The following TPRG1 variants were observed in gnomAD, a reference collection of about 807,000 sequenced individuals.
TPRG1 encodes the protein tumor protein p63 regulated 1.
A neutral mutation model predicts 29.3 loss-of-function variants in TPRG1; 29 were observed. The ratio of observed to expected loss-of-function variants is 0.99; its 90% CI spans 0.74 to 1.35. TPRG1 has a LOEUF of 1.35. TPRG1 is among the 40% of genes most tolerant of loss of function. TPRG1 has a pLI of 0.00. For synonymous variants in TPRG1, 130 were observed against 116.8 expected (o/e 1.11, Z -0.73); for missense variants, 327 against 335.0 (o/e 0.98, Z 0.19).
chr3:189,066,293 A>C (rs1325444160), intron 4 of TPRG1, among the ~76,000 whole-genome samples: 2 of 152,150 alleles, frequency 1.3e-5, no homozygotes, highest in East Asian at 3.8e-4. Flanking sequence ...ATAGAGGATA[A>C]GAGAATATTT....
intron 4 of TPRG1, among the ~76,000 whole-genome samples, chr3:189,042,289 T>C (rs958507025): frequency 1.3e-5 from 2 of 152,200 alleles, no homozygotes; most frequent in Non-Finnish European, 2.9e-5. Flanking sequence ...TTCAGCTTTT[T>C]TGGTTAATTT....
In TPRG1 at chr3:189,042,650, G is replaced by C. The variant is rs115340111; in HGVS notation, c.-463+18704G>C. ...GGTCTTCTCACTGCTTCTTTATATTGTATCTCAGCTGCTTGAGGCATACTT... is the reference window on the plus strand; with the variant it reads ...GGTCTTCTCACTGCTTCTTTATATTCTATCTCAGCTGCTTGAGGCATACTT... On this transcript the variant is annotated intron_variant, in intron 4 of 10. Transcript: ENST00000433971. 5.4e-3 allele frequency among the ~76,000 whole-genome samples: 824 copies of C among 151,996 alleles called. 7 individuals carry two copies. The highest frequency in any genetic ancestry group is 8.8e-3 in the Non-Finnish European group (597 of 67,980).
chr3:189,314,202 A>G (rs1300043638), intron 5 of TPRG1, among the ~76,000 whole-genome samples: 1 of 152,130 alleles, frequency 6.6e-6, no homozygotes, highest in Non-Finnish European at 1.5e-5. Context: ...AATTCGAAAC[A>G]TGTTGCATTT....
chr3:189,222,125 C>T (rs1737034673), intron 3 of TPRG1, among the ~76,000 whole-genome samples: 1 of 152,126 alleles, frequency 6.6e-6, no homozygotes, highest in Non-Finnish European at 1.5e-5. Context: ...TTTTCCTCTC[C>T]AGATCTTTCT....
At chr3:189,034,868 C>T (rs1202252603) in intron 4 of TPRG1, among the ~76,000 whole-genome samples, 1 of 152,078 alleles carries the variant, frequency 6.6e-6, no homozygotes, top group Non-Finnish European at 1.5e-5. Context: ...CTTCCCAAAG[C>T]AATTTACAGA....
At chr3:189,065,071 A>C (rs1716349769) in intron 4 of TPRG1, among the ~76,000 whole-genome samples, 1 of 152,080 alleles carries the variant, frequency 6.6e-6, no homozygotes, top group African/African-American at 2.4e-5. Context: ...CAGCTACTCA[A>C]GAGGTTGAAA....
chr3:189,110,317 C>CT (rs927066145), intron 1 of TPRG1, among the ~76,000 whole-genome samples: 13 of 152,136 alleles, frequency 8.5e-5, no homozygotes, highest in African/African-American at 3.1e-4. Flanking sequence ...CTCATTGTGA[C>CT]TTTAATTTTC....
At position 189,017,956 on chromosome 3, in the gene TPRG1, T is replaced by C. The variant is rs567255021; in HGVS notation, c.-659-5794T>C. On this transcript the variant is annotated intron_variant, in intron 3 of 10. Transcript: ENST00000433971. ...GTGAGATGGTATCTCATTGTGGTTT[T>C]GATTTGCATTTCTCTGATGGCCAGT... 1.5e-3 allele frequency among the ~76,000 whole-genome samples: 227 copies of C among 151,410 alleles called. 1 individual carries two copies. Among genetic ancestry groups the C allele is most frequent in the Admixed American group, 0.011 (161 of 15,214 alleles).
chr3:189,303,413 T>C (rs1266793052), intron 4 of TPRG1, among the ~76,000 whole-genome samples: 1 of 152,074 alleles, frequency 6.6e-6, no homozygotes, highest in Non-Finnish European at 1.5e-5. Flanking sequence ...AGAGTTAGAG[T>C]GTCCTCTAGA....
At chr3:189,176,362 A>T (rs1403485066) in intron 1 of TPRG1, among the ~76,000 whole-genome samples, 2 of 152,232 alleles carry the variant, frequency 1.3e-5, no homozygotes, top group Non-Finnish European at 2.9e-5. Context: ...AGTGTCATTC[A>T]TTGAAAGCTA....
At chr3:189,315,819 T>C (rs1261543472) in intron 5 of TPRG1, 2 of 176,658 alleles carry the variant, frequency 1.1e-5, no homozygotes, top group Admixed American at 1.2e-4. Context: ...GCCCTACAGA[T>C]ACTTACGGCG....
intron 3 of TPRG1, among the ~76,000 whole-genome samples, chr3:189,137,426 C>A (rs570635209): frequency 3.4e-5 from 5 of 148,974 alleles, no homozygotes; most frequent in Middle Eastern, 3.5e-3. Context: ...AACAAAAAAA[C>A]AAAAACAACA....
chr3:189,289,917 C>T (rs1326719335), intron 4 of TPRG1, among the ~76,000 whole-genome samples: 1 of 152,150 alleles, frequency 6.6e-6, no homozygotes, highest in East Asian at 1.9e-4. Context: ...ATAAACATGC[C>T]ATATCTACCT....
chr3:189,162,018 A>G (rs1727557023), intron 5 of TPRG1, among the ~76,000 whole-genome samples: 1 of 151,872 alleles, frequency 6.6e-6, no homozygotes, highest in African/African-American at 2.4e-5. Flanking sequence ...TTTGAAATGG[A>G]GTTTCACTCT....
At chr3:189,033,509 T>C (rs1392941218) in intron 4 of TPRG1, among the ~76,000 whole-genome samples, 1 of 152,000 alleles carries the variant, frequency 6.6e-6, no homozygotes, top group Non-Finnish European at 1.5e-5. Flanking sequence ...CTTGAACACC[T>C]GAGCTCAAGT....
chr3:189,259,112 C>T (rs925058149), intron 4 of TPRG1, among the ~76,000 whole-genome samples: 1 of 152,154 alleles, frequency 6.6e-6, no homozygotes, highest in African/African-American at 2.4e-5. Context: ...GCTTGAAACC[C>T]AGGGCTCTGG....
intron 3 of TPRG1, among the ~76,000 whole-genome samples, chr3:189,232,650 G>C (rs1054868952): frequency 5.3e-5 from 8 of 152,142 alleles, no homozygotes; most frequent in African/African-American, 9.7e-5. Context: ...TGTCTGCATG[G>C]GATAGTGGGG....
chr3:189,165,163 G>A (rs183785141), intron 5 of TPRG1, among the ~76,000 whole-genome samples: 198 of 152,156 alleles, frequency 1.3e-3, no homozygotes, highest in Non-Finnish European at 1.6e-3. Context: ...ACCTAGGAAC[G>A]TTTATATCAT....
chr3:189,298,803 G>A (rs1206002067), intron 4 of TPRG1, among the ~76,000 whole-genome samples: 1 of 152,182 alleles, frequency 6.6e-6, no homozygotes, highest in Non-Finnish European at 1.5e-5. Flanking sequence ...GTCATGAGCT[G>A]AAAGAGAAAA....
Sources: allele counts gnomAD v4.1 joint callset (sites outside exome capture counted in the v4.1 genomes callset), GRCh38; gene constraint gnomAD v4.1.1; transcripts MANE v1.5; gene names NCBI Gene and HGNC (gene_info 2026-07-23, HGNC 2026-07-21).